RASGRF2: variants seen among roughly 807,000 people sequenced by gnomAD.
The protein encoded by RASGRF2 is ras-specific guanine nucleotide-releasing factor 2.
RASGRF2 carries 76 observed loss-of-function variants against 151.0 expected under a neutral mutation model. That is an observed-to-expected ratio of 0.50 (90% confidence interval 0.42 to 0.61). The LOEUF (loss-of-function observed/expected upper bound fraction) is 0.61. Ranked by LOEUF, RASGRF2 falls within the 20% of genes least tolerant of loss-of-function variation. The probability of loss-of-function intolerance (pLI) is 0.00; values close to 1 mark genes in which losing one functional copy is unlikely to be tolerated. For synonymous variants in RASGRF2, 504 were observed against 566.5 expected (o/e 0.89, Z 1.57); for missense variants, 1,148 against 1,564.6 (o/e 0.73, Z 4.49).
chr5:81,144,142 G>C (rs1753950205), intron 17 of RASGRF2, among the ~76,000 whole-genome samples: 1 of 152,150 alleles, frequency 6.6e-6, no homozygotes, highest in African/African-American at 2.4e-5. Flanking sequence ...AATTTCATCA[G>C]CCTCATACAT....
chr5:81,015,012 C>A (rs567831571), intron 1 of RASGRF2, among the ~76,000 whole-genome samples: 29 of 152,158 alleles, frequency 1.9e-4, no homozygotes, highest in Admixed American at 1.4e-3. Context: ...CTTGACCTCC[C>A]GGACTCAAGC....
chr5:81,187,229 A>G (rs1439539933), intron 18 of RASGRF2, among the ~76,000 whole-genome samples: 1 of 152,258 alleles, frequency 6.6e-6, no homozygotes, highest in Non-Finnish European at 1.5e-5. Context: ...TGCCCAGTAC[A>G]GTAGCCTCTA....
chr5:81,206,971 T>A, intron 20 of RASGRF2, 66 bp downstream of exon 20: 2 of 1,296,252 alleles, frequency 1.5e-6, no homozygotes, highest in African/African-American at 1.5e-5. Context: ...GCGAGCAATA[T>A]GCTTGTAACC....
chr5:81,217,574 CTTTTTTTTT>C (rs71603577), intron 25 of RASGRF2, 101 bp downstream of exon 25: 14 of 181,612 alleles, frequency 7.7e-5, no homozygotes, highest in East Asian at 2.5e-4. Context: ...TTTTTCTCTT[CTTTTTTTTT>C]TTTTTTTTTT....
At chr5:81,200,444 A>C (rs1208948841) in intron 18 of RASGRF2, among the ~76,000 whole-genome samples, 1 of 152,132 alleles carries the variant, frequency 6.6e-6, no homozygotes, top group African/African-American at 2.4e-5. Flanking sequence ...AACTTTCCCC[A>C]GTGGGTGCCT....
In RASGRF2 at chr5:81,094,923, C is replaced by T. The variant is rs375599537; in HGVS notation, c.1686C>T (p.Ala562=). 1.4e-5 allele frequency: 22 copies of T among 1,603,138 alleles called. No individual in the cohort carries two copies. The highest frequency in any genetic ancestry group is 2.3e-5 in the East Asian group (1 of 44,266). ...FKIVVEPPDA[A]AFTVVLLAPS... Reference sequence around the variant, plus strand: ...TAGTGGTGGAGCCTCCTGACGCTGCCGCCTTCACTGTTGTCTTGTTAGCAC... The same window carrying T: ...TAGTGGTGGAGCCTCCTGACGCTGCTGCCTTCACTGTTGTCTTGTTAGCAC... The change falls in exon 12 of 27, where the codon GCC becomes GCT. Residue 562 remains alanine, a synonymous_variant. Transcript: ENST00000265080.
chr5:81,183,654 C>G (rs1218393952), intron 18 of RASGRF2, among the ~76,000 whole-genome samples: 2 of 152,212 alleles, frequency 1.3e-5, no homozygotes, highest in African/African-American at 4.8e-5. Context: ...CAGGCCCAAA[C>G]TGGGTTTCTC....
intron 7 of RASGRF2, among the ~76,000 whole-genome samples, chr5:81,084,339 T>A (rs1752167353): frequency 6.6e-6 from 1 of 152,224 alleles, no homozygotes; most frequent in African/African-American, 2.4e-5. Context: ...CATGCAATTA[T>A]GCCAGCGAAA....
At chr5:80,983,669 A>G (rs444937) in intron 1 of RASGRF2, among the ~76,000 whole-genome samples, 77,167 of 152,154 alleles carry the variant, frequency 0.51, 20,176 homozygotes, top group East Asian at 0.79. Flanking sequence ...GGTAGCCACT[A>G]GCCACGTGTG....
chr5:81,164,398 A>G (rs141123029), intron 17 of RASGRF2, among the ~76,000 whole-genome samples: 146 of 152,140 alleles, frequency 9.6e-4, no homozygotes, highest in African/African-American at 3.3e-3. Flanking sequence ...TCTAACCAAA[A>G]TGACACATTC....
intron 2 of RASGRF2, among the ~76,000 whole-genome samples, chr5:81,057,801 C>T (rs1425275658): frequency 6.6e-6 from 1 of 151,962 alleles, no homozygotes; most frequent in Non-Finnish European, 1.5e-5. Flanking sequence ...TCAAGACCAG[C>T]CTGGGGAACA....
chr5:81,193,776 C>T (rs1396653577), intron 18 of RASGRF2, among the ~76,000 whole-genome samples: 1 of 152,210 alleles, frequency 6.6e-6, no homozygotes, highest in East Asian at 1.9e-4. Flanking sequence ...CCTCAGCCTC[C>T]CGTAGTGCTG....
intron 2 of RASGRF2, among the ~76,000 whole-genome samples, chr5:81,067,035 G>A (rs1441650683): frequency 3.9e-5 from 6 of 152,148 alleles, no homozygotes; most frequent in Non-Finnish European, 8.8e-5. Context: ...CATGGACTTC[G>A]GGTCAGACAT....
chr5:81,090,336 A>G (rs1172664356), intron 9 of RASGRF2, among the ~76,000 whole-genome samples: 2 of 152,224 alleles, frequency 1.3e-5, no homozygotes, highest in Non-Finnish European at 2.9e-5. Flanking sequence ...GTTGACCCCA[A>G]TTATTAGAGA....
chr5:81,194,442 C>CTT lies in RASGRF2; in HGVS notation c.2794-6878_2794-6877dup, dbSNP rs71884545. Among the ~76,000 whole-genome samples, 266 of 144,360 alleles carry CTT rather than the reference C, an allele frequency of 1.8e-3. 5 individuals are homozygous for CTT. The highest frequency in any genetic ancestry group is 6.4e-3 in the African/African-American group (254 of 39,624). 94.7% of individuals were successfully genotyped at this position (144,360 alleles called of 152,430 possible). The stretch of plus-strand genomic sequence containing the variant: ...TTTTGTTTGTTTTTTGTTTTTTGTT[C>CTT]TTTTTTTTTTTAACTGATCCAGGTA... On this transcript the variant is annotated intron_variant, in intron 18 of 26. Coordinates refer to ENST00000265080, the MANE Select transcript of RASGRF2 (RefSeq NM_006909.3).
chr5:80,975,340 T>A (rs1748079994), intron 1 of RASGRF2, among the ~76,000 whole-genome samples: 1 of 151,972 alleles, frequency 6.6e-6, no homozygotes, highest in African/African-American at 2.4e-5. Flanking sequence ...TGGCATTGTG[T>A]CCAGCTTTGA....
At chr5:81,213,665 T>C (rs1395848688) in intron 23 of RASGRF2, among the ~76,000 whole-genome samples, 3 of 152,198 alleles carry the variant, frequency 2.0e-5, no homozygotes, top group Non-Finnish European at 4.4e-5. Flanking sequence ...CCCTTTAGCA[T>C]AGGAGAACAA....
chr5:81,014,447 C>G (rs1254758202), intron 1 of RASGRF2, among the ~76,000 whole-genome samples: 1 of 152,144 alleles, frequency 6.6e-6, no homozygotes, highest in African/African-American at 2.4e-5. Flanking sequence ...CTTTTAAAAC[C>G]ATCAGATCTC....
chr5:81,081,264 C>G (rs1347993971), intron 7 of RASGRF2, among the ~76,000 whole-genome samples: 1 of 152,132 alleles, frequency 6.6e-6, no homozygotes, highest in African/African-American at 2.4e-5. Flanking sequence ...TGAGTCTCCC[C>G]TCGGCTGGAG....
Sources: gnomAD v4.1 joint callset for allele counts (sites outside exome capture counted in the v4.1 genomes callset) on GRCh38, gnomAD v4.1.1 for gene constraint, MANE v1.5 for transcripts, NCBI Gene and HGNC (gene_info 2026-07-23, HGNC 2026-07-21) for gene names.